BLTP1: variants seen among roughly 807,000 people sequenced by gnomAD.
BLTP1 encodes bridge-like lipid transfer protein family member 1, also known as fragile site-associated protein.
chr4:122,200,574 G>T, the BLTP1 span: 19 of 579,380 alleles, frequency 3.3e-5, no homozygotes, highest in Non-Finnish European at 3.8e-5. Context: ...GTGAGACTCC[G>T]TCTCAAAACA....
chr4:122,201,118 TC>T, the BLTP1 span: 2 of 1,608,074 alleles, frequency 1.2e-6, no homozygotes, highest in Non-Finnish European at 1.7e-6. Context: ...CAGAAAAACT[TC>T]TTTACAGGTA....
At chr4:122,335,632 A>G in the BLTP1 span, among the ~76,000 whole-genome samples, 1 of 152,158 alleles carries the variant, frequency 6.6e-6, no homozygotes, top group Non-Finnish European at 1.5e-5. Context: ...AGGAAAGTTA[A>G]GGCTCATAGA....
At chr4:122,251,127 G>A in the BLTP1 span, 2 of 982,304 alleles carry the variant, frequency 2.0e-6, no homozygotes, top group Admixed American at 6.2e-5. Flanking sequence ...GGTGACCTGG[G>A]GCAAGTTCCT....
chr4:122,199,647 G>T, the BLTP1 span, among the ~76,000 whole-genome samples: 1 of 152,082 alleles, frequency 6.6e-6, no homozygotes, highest in Non-Finnish European at 1.5e-5. Flanking sequence ...TCTAGTATGA[G>T]GGAGGTGAAT....
At chr4:122,162,839 AGTCTGTCATTCTTTTCTC>A in the BLTP1 span, 4 of 179,448 alleles carry the variant, frequency 2.2e-5, no homozygotes, top group Admixed American at 2.6e-4. Context: ...AAGCAATCAG[AGTCTGTCATTCTTTTCTC>A]TACAGAATCT....
chr4:122,356,865 A>G, the BLTP1 span: 5 of 1,468,420 alleles, frequency 3.4e-6, no homozygotes, highest in Non-Finnish European at 4.5e-6. Flanking sequence ...ATCTCCCGTG[A>G]GTTGAAGATA....
the BLTP1 span, among the ~76,000 whole-genome samples, chr4:122,323,625 T>A: frequency 2.0e-5 from 3 of 152,060 alleles, no homozygotes; most frequent in Non-Finnish European, 4.4e-5. Context: ...GTTTGAATAC[T>A]GCTCTCCAAT....
the BLTP1 span, chr4:122,214,616 C>CTTTTTTT: frequency 2.6e-5 from 2 of 77,720 alleles, 1 homozygote; most frequent in Non-Finnish European, 3.8e-5. Flanking sequence ...TCAGTAAATT[C>CTTTTTTT]TTTTTTTTTT....
chr4:122,191,069 G>A, the BLTP1 span, among the ~76,000 whole-genome samples: 1 of 152,076 alleles, frequency 6.6e-6, no homozygotes, highest in Non-Finnish European at 1.5e-5. Context: ...AAAACAAAAT[G>A]TCAAAATCAC....
At chr4:122,348,203 G>T in the BLTP1 span, among the ~76,000 whole-genome samples, 156 of 152,216 alleles carry the variant, frequency 1.0e-3, 1 homozygote, top group East Asian at 0.016. Context: ...TTTCAGAATG[G>T]TTTCTGCCTT....
the BLTP1 span, among the ~76,000 whole-genome samples, chr4:122,317,640 T>C: frequency 2.0e-5 from 3 of 152,116 alleles, no homozygotes; most frequent in African/African-American, 7.2e-5. Context: ...CTGGTGCTTT[T>C]TTTTTTTTTA....
chr4:122,207,272 C>A, the BLTP1 span: 2 of 1,590,798 alleles, frequency 1.3e-6, no homozygotes, highest in East Asian at 2.2e-5. Context: ...AATGGTAAGA[C>A]ATTAAAAAAA....
the BLTP1 span, chr4:122,337,261 G>GT: frequency 6.4e-6 from 3 of 466,112 alleles, no homozygotes; most frequent in Admixed American, 4.3e-5. Flanking sequence ...ACTGAATAGC[G>GT]TAAGTCAGTA....
chr4:122,301,334 T>A, the BLTP1 span: 1 of 1,605,282 alleles, frequency 6.2e-7, no homozygotes, highest in Non-Finnish European at 8.5e-7. Context: ...GGAACGAACA[T>A]GATGGAACAG....
At chr4:122,321,271 A>G in the BLTP1 span, among the ~76,000 whole-genome samples, 1 of 152,130 alleles carries the variant, frequency 6.6e-6, no homozygotes, top group Non-Finnish European at 1.5e-5. Context: ...GTCTACTTTC[A>G]GTAACACTAT....
At chr4:122,256,153 G>A in the BLTP1 span, 63 of 985,024 alleles carry the variant, frequency 6.4e-5, no homozygotes, top group Non-Finnish European at 7.0e-5. Flanking sequence ...AGAATCTTTA[G>A]TCAAATTAGG....
chr4:122,289,796 TA>T, the BLTP1 span: 1 of 982,352 alleles, frequency 1.0e-6, no homozygotes, highest in Non-Finnish European at 1.2e-6. Flanking sequence ...GAGTTTCCTT[TA>T]TGCTCATGGA....
the BLTP1 span, chr4:122,255,188 C>T: frequency 1.4e-5 from 23 of 1,611,814 alleles, no homozygotes; most frequent in Middle Eastern, 3.3e-4. Context: ...AAAAGTTGCT[C>T]GCTTTCTCCA....
chr4:122,159,477 TTTTTA>T, the BLTP1 span, among the ~76,000 whole-genome samples: 7,495 of 151,034 alleles, frequency 0.05, 257 homozygotes, highest in Non-Finnish European at 0.074. Context: ...AAAAAAAAAG[TTTTTA>T]TTTTACTTAT....
Sources: allele counts gnomAD v4.1 joint callset (sites outside exome capture counted in the v4.1 genomes callset), GRCh38; gene constraint gnomAD v4.1.1; transcripts MANE v1.5; gene names NCBI Gene and HGNC (gene_info 2026-07-23, HGNC 2026-07-21).